Variants in SHISA6 observed in about 807,000 individuals in gnomAD.
SHISA6 encodes the protein shisa family member 6.
In SHISA6, 22 loss-of-function variants were observed where a neutral mutation model predicts 47.9. The ratio of observed to expected loss-of-function variants is 0.46; its 90% CI spans 0.33 to 0.66. The LOEUF is 0.66. SHISA6 is among the 30% of genes least tolerant of loss of function. The pLI is 0.02. For synonymous variants in SHISA6, 388 were observed against 337.8 expected, an observed-to-expected ratio of 1.15 and a Z score of -1.63; for missense variants, 680 against 764.6, an observed-to-expected ratio of 0.89 and a Z score of 1.30.
chr17:11,540,198 T>C (rs2071821508), intron 3 of SHISA6, among the ~76,000 whole-genome samples: 1 of 152,166 alleles, frequency 6.6e-6, no homozygotes, highest in Admixed American at 6.5e-5. Context: ...GAAATTTCCA[T>C]TTGACCCTCT....
At chr17:11,423,255 A>ATATAAT (rs1555534323) in intron 3 of SHISA6, among the ~76,000 whole-genome samples, 10 of 144,012 alleles carry the variant, frequency 6.9e-5, no homozygotes, top group Admixed American at 2.1e-4. Context: ...ATATATATAT[A>ATATAAT]ATATATATAT....
rs930004766 is a variant in SHISA6 at position 11,546,877 on chromosome 17, C to T, written c.896-5019C>T. ...CAGAGGTTGCAGTGAGCCAAGATTG[C>T]GCCACGGCGCCACTGTACTCCAGCC... On this transcript the variant is annotated intron_variant, in intron 3 of 5. Transcript: ENST00000441885. 3.5e-4 allele frequency among the ~76,000 whole-genome samples: 53 copies of T among 151,900 alleles called. No individual in the cohort carries two copies. The Middle Eastern group carries it at 0.014, about 39-fold the overall frequency.
At chr17:11,553,665 G>A (rs1446467009) in intron 4 of SHISA6, among the ~76,000 whole-genome samples, 2 of 152,104 alleles carry the variant, frequency 1.3e-5, no homozygotes, top group East Asian at 1.9e-4. Context: ...GTTCCACAAA[G>A]AGCATTAATT....
chr17:11,438,484 C>T (rs745501143), intron 3 of SHISA6, among the ~76,000 whole-genome samples: 12 of 152,148 alleles, frequency 7.9e-5, no homozygotes, highest in South Asian at 2.1e-4. Context: ...CTCTTCCTGA[C>T]CTGCAGACAG....
chr17:11,315,502 A>G (rs765105690), intron 2 of SHISA6, among the ~76,000 whole-genome samples: 87 of 152,174 alleles, frequency 5.7e-4, no homozygotes, highest in Non-Finnish European at 1.1e-3. Context: ...CCTTATAGAA[A>G]TGTCTTCTGG....
At chr17:11,301,416 G>C (rs1231406250) in intron 2 of SHISA6, among the ~76,000 whole-genome samples, 1 of 152,142 alleles carries the variant, frequency 6.6e-6, no homozygotes, top group Non-Finnish European at 1.5e-5. Flanking sequence ...GGGGCTCCGG[G>C]CTTTGCTAGG....
intron 2 of SHISA6, among the ~76,000 whole-genome samples, chr17:11,285,883 C>T (rs1028131296): frequency 6.7e-6 from 1 of 149,914 alleles, no homozygotes; most frequent in Non-Finnish European, 1.5e-5. Context: ...GTAGCCCAGG[C>T]AGGAGTGCAA....
At chr17:11,300,654 CT>C (rs902496391) in intron 2 of SHISA6, among the ~76,000 whole-genome samples, 5 of 149,880 alleles carry the variant, frequency 3.3e-5, no homozygotes, top group South Asian at 2.1e-4. Context: ...CAGTTTAGGA[CT>C]TTTTTTTCTT....
chr17:11,426,612 G>A (rs1914616817), intron 3 of SHISA6, among the ~76,000 whole-genome samples: 1 of 152,188 alleles, frequency 6.6e-6, no homozygotes. Context: ...TATTGTCACA[G>A]CACTGCAAGA....
intron 2 of SHISA6, among the ~76,000 whole-genome samples, chr17:11,332,721 A>G (rs1911167908): frequency 6.6e-6 from 1 of 152,176 alleles, no homozygotes; most frequent in Admixed American, 6.5e-5. Context: ...TGGATAGATT[A>G]TGCCCATGCC....
At chr17:11,333,862 G>A (rs1317198775) in intron 2 of SHISA6, among the ~76,000 whole-genome samples, 1 of 152,120 alleles carries the variant, frequency 6.6e-6, no homozygotes, top group Non-Finnish European at 1.5e-5. Context: ...AATGGAGGGT[G>A]GTATTCAGAG....
intron 3 of SHISA6, among the ~76,000 whole-genome samples, chr17:11,513,235 T>C (rs1329972784): frequency 1.3e-5 from 2 of 151,180 alleles, no homozygotes; most frequent in Non-Finnish European, 2.9e-5. Flanking sequence ...ATATATAGTA[T>C]ATATACATAC....
intron 3 of SHISA6, among the ~76,000 whole-genome samples, chr17:11,394,998 C>CTTTTTTTTTTTTTTTTT (rs772109588): frequency 2.1e-5 from 2 of 95,100 alleles, no homozygotes; most frequent in African/African-American, 4.1e-5. Flanking sequence ...TTTTTCTTTT[C>CTTTTTTTTTTTTTTTTT]TTTTTTTTTT....
chr17:11,351,144 G>T (rs1206744097), intron 2 of SHISA6, among the ~76,000 whole-genome samples: 1 of 152,008 alleles, frequency 6.6e-6, no homozygotes, highest in Admixed American at 6.6e-5. Context: ...CCTGTTGGGG[G>T]GTGGGGAACA....
chr17:11,392,086 G>A (rs147440820), intron 3 of SHISA6, among the ~76,000 whole-genome samples: 286 of 152,290 alleles, frequency 1.9e-3, no homozygotes, highest in African/African-American at 6.4e-3. Flanking sequence ...GGGTTCAGAG[G>A]GGCCAGAGCT....
chr17:11,398,453 A>C (rs1913650091), intron 3 of SHISA6, among the ~76,000 whole-genome samples: 1 of 151,624 alleles, frequency 6.6e-6, no homozygotes, highest in South Asian at 2.1e-4. Flanking sequence ...TTCTTTCCCT[A>C]TTTTACTTTC....
chr17:11,365,699 A>G (rs999682455), intron 2 of SHISA6, among the ~76,000 whole-genome samples: 2 of 152,268 alleles, frequency 1.3e-5, no homozygotes, highest in Non-Finnish European at 2.9e-5. Flanking sequence ...CAACAGATAT[A>G]TCCTATGTGC....
chr17:11,329,307 A>C (rs1032875242), intron 2 of SHISA6, among the ~76,000 whole-genome samples: 4 of 152,184 alleles, frequency 2.6e-5, no homozygotes, highest in African/African-American at 9.7e-5. Flanking sequence ...ATCTTGGAGA[A>C]ATTTTTACTA....
intron 2 of SHISA6, among the ~76,000 whole-genome samples, chr17:11,366,150 A>G (rs893143929): frequency 6.6e-6 from 1 of 152,168 alleles, no homozygotes; most frequent in Admixed American, 6.5e-5. Context: ...TTACATTTGT[A>G]TATATGTATA....
Sources: gnomAD v4.1 joint callset for allele counts (sites outside exome capture counted in the v4.1 genomes callset) on GRCh38, gnomAD v4.1.1 for gene constraint, MANE v1.5 for transcripts, NCBI Gene and HGNC (gene_info 2026-07-23, HGNC 2026-07-21) for gene names.